STX6: variants seen among roughly 807,000 people sequenced by gnomAD.
STX6 encodes the protein syntaxin-6.
A neutral mutation model predicts 38.0 loss-of-function variants in STX6; 23 were observed. That is an observed-to-expected ratio of 0.60 (90% CI 0.43 to 0.86). The LOEUF is 0.86. Ranked by LOEUF, STX6 falls within the 40% of genes least tolerant of loss-of-function variation. The probability of loss-of-function intolerance (pLI) is 0.00; values close to 1 mark genes in which losing one functional copy is unlikely to be tolerated. For missense variants in STX6, 274 were observed against 312.9 expected (o/e 0.88, Z 0.94); for synonymous variants, 123 against 107.5 (o/e 1.14, Z -0.89).
At chr1:181,018,366 G>A (rs1399982466) in intron 1 of STX6, among the ~76,000 whole-genome samples, 9 of 131,020 alleles carry the variant, frequency 6.9e-5, no homozygotes, top group African/African-American at 2.7e-4. Context: ...TCCAGCCTGG[G>A]CGACAGAGTA....
chr1:180,982,283 T>C (rs1349530902), intron 7 of STX6, among the ~76,000 whole-genome samples: 1 of 152,162 alleles, frequency 6.6e-6, no homozygotes, highest in Admixed American at 6.5e-5. Context: ...CGAATACAAA[T>C]TGCTTGTTTG....
intron 1 of STX6, among the ~76,000 whole-genome samples, chr1:181,018,388 CAAAAAAAA>C (rs34962747): frequency 0.019 from 798 of 43,056 alleles, 9 homozygotes; most frequent in African/African-American, 0.067. Flanking sequence ...GACTCTGTCC[CAAAAAAAA>C]AAAAAAAAAA....
intron 3 of STX6, among the ~76,000 whole-genome samples, chr1:180,995,353 TC>T (rs1655877550): frequency 6.6e-6 from 1 of 152,008 alleles, no homozygotes; most frequent in African/African-American, 2.4e-5. Context: ...CCCCTCCCCA[TC>T]CCCATTCCTT....
chr1:181,022,807 C>G lies in STX6; in HGVS notation c.-134G>C. On this transcript the variant is annotated 5_prime_UTR_variant, in exon 1 of 8. Transcript: ENST00000258301. ...TGGGTGAAGCCGAGCAGCGGGCACG[C>G]GCACAGGCCAGGTGCACAGGACGGC... 1.1e-5 allele frequency: 9 copies of G among 848,710 alleles called. No homozygotes were observed. The highest frequency in any genetic ancestry group is 1.7e-5 in the Non-Finnish European group (9 of 535,968). The allele number at this position is 848,710 out of a possible 1,614,324, so 52.6% of individuals were successfully genotyped here.
At chr1:181,013,051 G>C (rs1656453264) in intron 1 of STX6, among the ~76,000 whole-genome samples, 1 of 151,602 alleles carries the variant, frequency 6.6e-6, no homozygotes, top group African/African-American at 2.4e-5. Flanking sequence ...GCCCAACATT[G>C]ATCCCTCGTC....
rs1196670679 is a variant in STX6 at position 180,973,702 on chromosome 1, T to C, written c.*2868A>G. 1.3e-5 allele frequency: 2 copies of C among 152,666 alleles called. No individual in the cohort carries two copies. The highest frequency in any genetic ancestry group is 2.4e-5 in the African/African-American group (1 of 41,440). The allele number at this position is 152,666 out of a possible 1,614,324, so 9.5% of individuals were successfully genotyped here. ...CACACAGTCCAGGGCATATAGAGCA[T>C]TGTGATTCTTCACAGTCCGCAGAGA... On this transcript the variant is annotated 3_prime_UTR_variant, in exon 8 of 8. Transcript: ENST00000258301.
intron 1 of STX6, 30 bp downstream of exon 1, chr1:181,022,608 TC>T: frequency 6.2e-7 from 1 of 1,602,320 alleles, no homozygotes; most frequent in Non-Finnish European, 8.5e-7. Flanking sequence ...CGCCACCTCT[TC>T]CTCCGGTGGA....
intron 3 of STX6, among the ~76,000 whole-genome samples, chr1:181,002,322 A>T (rs375325103): frequency 3.3e-5 from 5 of 151,242 alleles, no homozygotes; most frequent in Non-Finnish European, 7.4e-5. Context: ...GCTAATTTTT[A>T]TATTTTTTTT....
At chr1:180,993,477 C>T (rs1218960112) in intron 3 of STX6, 52 bp from the exon 4 acceptor site, 2 of 1,039,694 alleles carry the variant, frequency 1.9e-6, no homozygotes, top group Non-Finnish European at 3.0e-6. Context: ...TAAACAAAAT[C>T]ACAGTTAACA....
At chr1:181,008,724 A>AT (rs1453057235) in intron 1 of STX6, among the ~76,000 whole-genome samples, 578 of 53,154 alleles carry the variant, frequency 0.011, 5 homozygotes, top group African/African-American at 0.041. Context: ...GCTTTCCAAA[A>AT]TTGTTTTTTT....
intron 1 of STX6, among the ~76,000 whole-genome samples, chr1:181,016,504 A>C (rs749382189): frequency 5.9e-5 from 9 of 152,342 alleles, no homozygotes; most frequent in Admixed American, 1.3e-4. Context: ...TCTTACAACG[A>C]AACACTGGAT....
intron 6 of STX6, 62 bp from the exon 7 acceptor site, chr1:180,984,833 C>T: frequency 1.4e-6 from 1 of 734,140 alleles, no homozygotes; most frequent in Non-Finnish European, 2.4e-6. Context: ...TGCACTTGCA[C>T]TGGGTTAAAA....
chr1:181,022,078 C>G (rs1656744747), intron 1 of STX6, among the ~76,000 whole-genome samples: 1 of 152,138 alleles, frequency 6.6e-6, no homozygotes, highest in South Asian at 2.1e-4. Flanking sequence ...GCCCTGCTCC[C>G]CAGCCTCCCA....
At chr1:180,976,696 C>G in intron 7 of STX6, 50 bp from the exon 8 acceptor site, 1 of 1,545,790 alleles carries the variant, frequency 6.5e-7, no homozygotes, top group East Asian at 2.2e-5. Context: ...CCACATTCCC[C>G]AAGATACAGT....
In STX6 at chr1:180,976,563, C is replaced by G; in HGVS notation, c.*7G>C. 6.2e-7 allele frequency: 1 copy of G among 1,613,482 alleles called. No homozygotes were observed. The highest frequency in any genetic ancestry group is 1.1e-5 in the South Asian group (1 of 91,086). On this transcript the variant is annotated 3_prime_UTR_variant, in exon 8 of 8. Coordinates refer to ENST00000258301, the MANE Select transcript of STX6 (RefSeq NM_005819.6). ...GCAGGAGGAACTCGCACCCAGAGGCCCCGCCGTCACAGCACTAAGAAGAGG... is the reference window on the plus strand; with the variant it reads ...GCAGGAGGAACTCGCACCCAGAGGCGCCGCCGTCACAGCACTAAGAAGAGG...
intron 2 of STX6, among the ~76,000 whole-genome samples, chr1:181,004,799 G>T (rs1220478182): frequency 6.6e-6 from 1 of 152,070 alleles, no homozygotes; most frequent in African/African-American, 2.4e-5. Context: ...TCAGTTGGAA[G>T]CGCTGGTCAC....
At chr1:181,010,950 G>A (rs1656379418) in intron 1 of STX6, among the ~76,000 whole-genome samples, 1 of 152,168 alleles carries the variant, frequency 6.6e-6, no homozygotes, top group Non-Finnish European at 1.5e-5. Flanking sequence ...TGCATGGGTG[G>A]ATTCTAGTAG....
At chr1:180,981,076 C>G (rs1655401152) in intron 7 of STX6, among the ~76,000 whole-genome samples, 1 of 152,130 alleles carries the variant, frequency 6.6e-6, no homozygotes, top group East Asian at 1.9e-4. Flanking sequence ...TGAAACAGCT[C>G]TGTGTGATGC....
Position 180,976,488 on chromosome 1 carries a change from G to A in STX6, c.*82C>T. The A allele has an allele frequency of 8.4e-7, 1 of 1,197,564 alleles. No individual in the cohort carries two copies. Among genetic ancestry groups the A allele is most frequent in the African/African-American group, 1.5e-5 (1 of 66,884 alleles). The allele number at this position is 1,197,564 out of a possible 1,614,324, so 74.2% of individuals were successfully genotyped here. On this transcript the variant is annotated 3_prime_UTR_variant, in exon 8 of 8. Transcript: ENST00000258301. ...TGTTTCCAGGATAGGAATGTGAGTA[G>A]ACGGCAATGTCACACGTGCTCAGCT...
Sources: gnomAD v4.1 joint callset for allele counts (sites outside exome capture counted in the v4.1 genomes callset) on GRCh38, gnomAD v4.1.1 for gene constraint, MANE v1.5 for transcripts, NCBI Gene and HGNC (gene_info 2026-07-23, HGNC 2026-07-21) for gene names.